Variants in WDR72 observed in about 807,000 individuals in gnomAD.
WDR72 encodes the protein WD repeat domain 72, also known as WD repeat-containing protein 72.
WDR72 carries 120 observed loss-of-function variants against 124.2 expected under a neutral mutation model. That is an observed-to-expected ratio of 0.97 (90% CI 0.83 to 1.12). WDR72 has a LOEUF of 1.12. WDR72 is among the 50% of genes most tolerant of loss of function. The pLI, the probability that WDR72 is intolerant of heterozygous loss-of-function variation, is 0.00. For missense variants in WDR72, 1,387 were observed against 1,278.8 expected, an observed-to-expected ratio of 1.08 and a Z score of -1.29; for synonymous variants, 452 against 441.7, an observed-to-expected ratio of 1.02 and a Z score of -0.29.
chr15:53,691,984 A>G (rs1383670307), intron 13 of WDR72, among the ~76,000 whole-genome samples: 1 of 152,198 alleles, frequency 6.6e-6, no homozygotes, highest in East Asian at 1.9e-4. Flanking sequence ...CAGGTGCCAT[A>G]TCAGCTTCTA....
Position 53,615,646 on chromosome 15 carries a change from T to C in WDR72, c.2560A>G (p.Ile854Val). The change falls in exon 15 of 20, where the codon ATA (isoleucine) becomes GTA (valine). Residue 854 changes from isoleucine (I) to valine (V), a missense_variant. Transcript: ENST00000360509. The stretch of plus-strand genomic sequence containing the variant: ...AAATTTACTCCTGAATAGTCTTTTA[T>C]CATTCCACTATTGCATAAATCCCAA... Reference protein sequence around the residue: ...PGWDLCNSGMIKDYSGVNLFS... With the variant: ...PGWDLCNSGMVKDYSGVNLFS... The C allele has an allele frequency of 6.2e-7, 1 of 1,612,262 alleles. No homozygotes were observed. Among genetic ancestry groups the C allele is most frequent in the Non-Finnish European group, 8.5e-7 (1 of 1,178,914 alleles).
intron 14 of WDR72, among the ~76,000 whole-genome samples, chr15:53,629,191 CGAGAGAGAGAGAGAGAGAGAGT>C (rs1181564754): frequency 7.4e-6 from 1 of 135,720 alleles, no homozygotes; most frequent in South Asian, 2.4e-4. Context: ...AGAGAGACAG[CGAGAGAGAGAGAGAGAGAGAGT>C]GAGAGAGAGA....
chr15:53,601,534 T>G (rs1830115821), intron 17 of WDR72, among the ~76,000 whole-genome samples: 1 of 152,124 alleles, frequency 6.6e-6, no homozygotes, highest in African/African-American at 2.4e-5. Flanking sequence ...GTAAATGGAC[T>G]GAATGCCGCA....
chr15:53,721,061 C>T (rs2017863153), intron 3 of WDR72, among the ~76,000 whole-genome samples: 2 of 152,078 alleles, frequency 1.3e-5, no homozygotes, highest in South Asian at 4.2e-4. Flanking sequence ...TTGCTAAGAA[C>T]ACAGTAGCTG....
intron 2 of WDR72, among the ~76,000 whole-genome samples, chr15:53,731,879 C>A (rs1052577963): frequency 6.6e-6 from 1 of 152,090 alleles, no homozygotes; most frequent in Non-Finnish European, 1.5e-5. Context: ...TTAGCAATGC[C>A]TTTATAAATA....
chr15:53,722,646 A>T (rs2017909181), intron 3 of WDR72, among the ~76,000 whole-genome samples, 156 bp downstream of exon 3: 1 of 152,198 alleles, frequency 6.6e-6, no homozygotes, highest in Non-Finnish European at 1.5e-5. Context: ...GGATCATCAC[A>T]CAAGTTATTC....
chr15:53,615,461 A>G lies in WDR72; in HGVS notation c.2745T>C (p.Val915=). Residue 915 remains valine (V), a synonymous_variant, in exon 15 of 20, where the codon GTT becomes GTC. Transcript: ENST00000360509. Reference sequence around the variant, plus strand: ...TACATGCCAATTCTAAAGGCATGTTAACTAATTTATTAACTAAAAATAGTC... The same window carrying G: ...TACATGCCAATTCTAAAGGCATGTTGACTAATTTATTAACTAAAAATAGTC... ...LSRLFLVNKL[V]NMPLELACRV... 6.2e-7 allele frequency: 1 copy of G among 1,611,860 alleles called. No homozygotes were observed. Among genetic ancestry groups the G allele is most frequent in the South Asian group, 1.1e-5 (1 of 90,946 alleles).
chr15:53,521,800 G>A (rs1370968644), intron 19 of WDR72, among the ~76,000 whole-genome samples: 2 of 151,930 alleles, frequency 1.3e-5, no homozygotes, highest in African/African-American at 4.8e-5. Context: ...ACTGTATTAA[G>A]ACACTTTTAA....
At chr15:53,757,980 TCTCTCTC>T (rs2018956630) in intron 1 of WDR72, among the ~76,000 whole-genome samples, 2 of 10,190 alleles carry the variant, frequency 2.0e-4, no homozygotes, top group Non-Finnish European at 6.3e-3. Context: ...GTTTATTTTC[TCTCTCTC>T]TCTCTCTCTC....
intron 14 of WDR72, among the ~76,000 whole-genome samples, chr15:53,643,118 A>T (rs2014913777): frequency 6.6e-6 from 1 of 152,028 alleles, no homozygotes; most frequent in Admixed American, 6.6e-5. Flanking sequence ...AATTCTTCAT[A>T]AATGTAATGA....
At chr15:53,628,483 G>C (rs1229952403) in intron 14 of WDR72, among the ~76,000 whole-genome samples, 1 of 152,082 alleles carries the variant, frequency 6.6e-6, no homozygotes, top group African/African-American at 2.4e-5. Context: ...TCATAAGTTT[G>C]ACAGGAAAAG....
Position 53,517,637 on chromosome 15 carries a change from CA to C in WDR72, c.*61del. 1 of 1,551,022 alleles carries C rather than the reference CA, an allele frequency of 6.4e-7. No homozygotes were observed. The highest frequency in any genetic ancestry group is 1.1e-5 in the South Asian group (1 of 89,810). On this transcript the variant is annotated 3_prime_UTR_variant, in exon 20 of 20. Transcript: ENST00000360509. ...AACAATGCTTTTATACAGTAATAAA[CA>C]AATGGCATCTTTTGGATTTCTTAAT...
At chr15:53,548,364 C>T (rs142400739) in intron 18 of WDR72, among the ~76,000 whole-genome samples, 9 of 152,254 alleles carry the variant, frequency 5.9e-5, no homozygotes, top group South Asian at 2.1e-4. Flanking sequence ...TGGGAGGGCT[C>T]GGGCTCTCAG....
intron 14 of WDR72, among the ~76,000 whole-genome samples, chr15:53,657,974 T>C (rs2015485762): frequency 6.6e-6 from 1 of 152,204 alleles, no homozygotes; most frequent in Non-Finnish European, 1.5e-5. Flanking sequence ...TTTTAACAGC[T>C]GACTTCATTG....
intron 13 of WDR72, among the ~76,000 whole-genome samples, chr15:53,685,151 C>T (rs1346231561): frequency 1.0e-4 from 15 of 149,512 alleles, no homozygotes; most frequent in Admixed American, 2.7e-4. Context: ...AAACGCAGAG[C>T]GCCTCTCCTC....
intron 18 of WDR72, among the ~76,000 whole-genome samples, chr15:53,586,800 A>T (rs2012235541): frequency 6.6e-6 from 1 of 152,084 alleles, no homozygotes; most frequent in South Asian, 2.1e-4. Context: ...GGGAAGTGCT[A>T]TAATACCTAA....
chr15:53,606,587 A>C (rs910796172), intron 17 of WDR72, among the ~76,000 whole-genome samples: 31 of 152,232 alleles, frequency 2.0e-4, no homozygotes, highest in African/African-American at 7.5e-4. Context: ...AAGTAATCAC[A>C]GCAAAAAAAC....
At position 53,702,219 on chromosome 15, in the gene WDR72, T is replaced by A. The variant is rs113003513; in HGVS notation, c.1484A>T (p.Asp495Val). Residue 495 changes from aspartate (D) to valine (V), a missense_variant, in exon 12 of 20, where the codon GAT becomes GTT. Physicochemically the swap from Asp to Val is radical, Grantham distance 152. Coordinates refer to ENST00000360509, the MANE Select transcript of WDR72 (RefSeq NM_182758.4). The part of the protein sequence containing the change: ...GDLDSCVILW[D>V]IFTEEILHKF... ...ATGCAAAATTTCTTCAGTAAAGATA[T>A]CCCACAAGATCACACATGAGTCCAG... 51 of 1,614,030 alleles carry A rather than the reference T, an allele frequency of 3.2e-5. No individual in the cohort carries two copies. In the African/African-American group the frequency reaches 5.5e-4, roughly 17 times the overall value.
At chr15:53,640,616 G>A (rs2014811244) in intron 14 of WDR72, among the ~76,000 whole-genome samples, 1 of 151,982 alleles carries the variant, frequency 6.6e-6, no homozygotes, top group Non-Finnish European at 1.5e-5. Flanking sequence ...TAAAGTATTG[G>A]CTAAATTGTG....
Sources: gnomAD v4.1 joint callset for allele counts (sites outside exome capture counted in the v4.1 genomes callset) on GRCh38, gnomAD v4.1.1 for gene constraint, MANE v1.5 for transcripts, NCBI Gene and HGNC (gene_info 2026-07-23, HGNC 2026-07-21) for gene names.